The following KLHL32 variants were observed in gnomAD, a reference collection of about 807,000 sequenced individuals.
The protein encoded by KLHL32 is kelch-like protein 32.
In KLHL32, 35 loss-of-function variants were observed where a neutral mutation model predicts 64.8. The observed-to-expected ratio is 0.54, with a 90% CI of 0.41 to 0.72. The LOEUF (loss-of-function observed/expected upper bound fraction) is 0.72. Ranked by LOEUF, KLHL32 falls within the 30% of genes least tolerant of loss-of-function variation. The probability of loss-of-function intolerance (pLI) is 0.00; values close to 1 mark genes in which losing one functional copy is unlikely to be tolerated. For synonymous variants in KLHL32, 259 were observed against 281.0 expected (o/e 0.92, Z 0.78); for missense variants, 589 against 768.5 (o/e 0.77, Z 2.76).
At chr6:97,096,671 A>G (rs1795031979) in intron 6 of KLHL32, among the ~76,000 whole-genome samples, 1 of 152,236 alleles carries the variant, frequency 6.6e-6, no homozygotes, top group Admixed American at 6.5e-5. Flanking sequence ...CTTTCCTACC[A>G]ATTGTGGTTC....
intron 6 of KLHL32, among the ~76,000 whole-genome samples, chr6:97,093,021 A>G (rs1794488740): frequency 6.6e-6 from 1 of 152,178 alleles, no homozygotes; most frequent in South Asian, 2.1e-4. Context: ...GAGATATGAC[A>G]TATTTATGTT....
At chr6:96,953,764 A>G (rs1772917870) in intron 1 of KLHL32, among the ~76,000 whole-genome samples, 2 of 150,894 alleles carry the variant, frequency 1.3e-5, no homozygotes, top group African/African-American at 4.9e-5. Flanking sequence ...TCATTTTTAT[A>G]TGGTTATGAC....
At chr6:97,126,072 G>A (rs532002582) in intron 7 of KLHL32, among the ~76,000 whole-genome samples, 37 of 152,240 alleles carry the variant, frequency 2.4e-4, no homozygotes, top group South Asian at 6.2e-4. Context: ...GGCCCTCTTG[G>A]TCAGCATTTT....
chr6:97,008,781 C>A (rs1779996496), intron 3 of KLHL32, among the ~76,000 whole-genome samples: 1 of 152,132 alleles, frequency 6.6e-6, no homozygotes, highest in South Asian at 2.1e-4. Flanking sequence ...TCCAGCCTGG[C>A]CTCTATGTCT....
chr6:96,953,590 A>C (rs1772897537), intron 1 of KLHL32, among the ~76,000 whole-genome samples: 1 of 151,742 alleles, frequency 6.6e-6, no homozygotes, highest in South Asian at 2.1e-4. Context: ...AGATTGTACC[A>C]CTGTACTCCA....
chr6:96,953,413 T>A (rs949811748), intron 1 of KLHL32, among the ~76,000 whole-genome samples: 1 of 152,158 alleles, frequency 6.6e-6, no homozygotes, highest in Non-Finnish European at 1.5e-5. Flanking sequence ...GAGGATCACT[T>A]GAGGCCTGGA....
chr6:96,984,654 G>A (rs562443033), intron 3 of KLHL32, among the ~76,000 whole-genome samples: 1 of 152,226 alleles, frequency 6.6e-6, no homozygotes, highest in South Asian at 2.1e-4. Context: ...TTTGATCTTT[G>A]TTGGTTTAAA....
At chr6:97,058,198 C>T (rs111781545) in intron 4 of KLHL32, among the ~76,000 whole-genome samples, 4,445 of 152,194 alleles carry the variant, frequency 0.029, 232 homozygotes, top group African/African-American at 0.1. Context: ...ACTTTGTTCT[C>T]CTTCAACATC....
intron 6 of KLHL32, among the ~76,000 whole-genome samples, chr6:97,088,954 C>T (rs1441530221): frequency 6.6e-6 from 1 of 152,162 alleles, no homozygotes; most frequent in Non-Finnish European, 1.5e-5. Flanking sequence ...TACTGTTTTC[C>T]ATGGAAGTAC....
chr6:96,977,198 T>C (rs540227813), intron 3 of KLHL32, among the ~76,000 whole-genome samples: 4 of 152,164 alleles, frequency 2.6e-5, no homozygotes, highest in Non-Finnish European at 5.9e-5. Flanking sequence ...CAACAACCCA[T>C]TGTGCACATA....
chr6:97,023,450 A>G (rs1356302165), intron 3 of KLHL32, among the ~76,000 whole-genome samples: 2 of 152,154 alleles, frequency 1.3e-5, no homozygotes, highest in Non-Finnish European at 2.9e-5. Flanking sequence ...AACTAAATAT[A>G]TATTTTTTGT....
At chr6:97,118,394 G>A (rs994460406) in intron 7 of KLHL32, among the ~76,000 whole-genome samples, 8 of 152,226 alleles carry the variant, frequency 5.3e-5, no homozygotes, top group African/African-American at 7.2e-5. Flanking sequence ...CGAGGCGGGC[G>A]GATCGCCTGA....
intron 3 of KLHL32, among the ~76,000 whole-genome samples, chr6:97,006,409 T>C (rs1562235895): frequency 6.6e-6 from 1 of 152,228 alleles, no homozygotes; most frequent in Non-Finnish European, 1.5e-5. Context: ...GGTTATTGCA[T>C]GTGAGATGGG....
the KLHL32 span, among the ~76,000 whole-genome samples, chr6:96,913,994 A>C: frequency 1.2e-4 from 18 of 152,322 alleles, no homozygotes; most frequent in South Asian, 3.7e-3. Flanking sequence ...ACTCAACGTA[A>C]TGAGAACCGT....
chr6:97,030,327 A>G (rs1479759194), intron 3 of KLHL32, among the ~76,000 whole-genome samples: 1 of 152,258 alleles, frequency 6.6e-6, no homozygotes, highest in Admixed American at 6.5e-5. Context: ...CATGACAAGT[A>G]ACATGACTCA....
At chr6:97,129,965 A>G (rs188875243) in intron 8 of KLHL32, among the ~76,000 whole-genome samples, 1 of 152,264 alleles carries the variant, frequency 6.6e-6, no homozygotes, top group Admixed American at 6.5e-5. Context: ...ACCTTTCCCA[A>G]TTTGGCAAAA....
At chr6:97,052,165 A>C (rs1351608346) in intron 4 of KLHL32, among the ~76,000 whole-genome samples, 1 of 152,234 alleles carries the variant, frequency 6.6e-6, no homozygotes, top group East Asian at 1.9e-4. Context: ...CAGTGTGTAC[A>C]TGCTGGGGTA....
intron 4 of KLHL32, among the ~76,000 whole-genome samples, chr6:97,057,987 T>C (rs1250555412): frequency 1.3e-5 from 2 of 152,184 alleles, no homozygotes; most frequent in Non-Finnish European, 2.9e-5. Flanking sequence ...GCCCCATTCT[T>C]GAAAAGACTA....
upstream of KLHL32, among the ~76,000 whole-genome samples, chr6:96,920,246 A>G (rs1385841711): frequency 6.6e-6 from 1 of 152,202 alleles, no homozygotes; most frequent in African/African-American, 2.4e-5. Flanking sequence ...CTCTAACACT[A>G]TGAGCACTGC....
Sources: allele counts gnomAD v4.1 joint callset (sites outside exome capture counted in the v4.1 genomes callset), GRCh38; gene constraint gnomAD v4.1.1; transcripts MANE v1.5; gene names NCBI Gene and HGNC (gene_info 2026-07-23, HGNC 2026-07-21).